Variants in PEX10 observed in about 807,000 individuals in gnomAD.
PEX10 encodes peroxisomal biogenesis factor 10.
PEX10 carries 32 observed loss-of-function variants against 38.0 expected under a neutral mutation model. The ratio of observed to expected loss-of-function variants is 0.84; its 90% CI spans 0.63 to 1.13. The LOEUF is 1.13. Among genes scored for constraint, PEX10 ranks in the 50% most tolerant of loss-of-function variants. The probability of loss-of-function intolerance (pLI) is 0.00; values close to 1 mark genes in which losing one functional copy is unlikely to be tolerated. For synonymous variants in PEX10, 206 were observed against 207.3 expected (o/e 0.99, Z 0.05); for missense variants, 483 against 457.7 (o/e 1.06, Z -0.51).
In PEX10 at chr1:2,410,098, AGGGCTGGCCACTGAGAAATGG is replaced by A. The variant is rs1643138980; in HGVS notation, c.193+252_193+272del. 1 of 454,950 alleles carries A rather than the reference AGGGCTGGCCACTGAGAAATGG, an allele frequency of 2.2e-6. No homozygotes were observed. Among genetic ancestry groups the A allele is most frequent in the South Asian group, 2.0e-5 (1 of 49,038 alleles). The allele number at this position is 454,950 out of a possible 1,614,324, so 28.2% of individuals were successfully genotyped here. ...AGCACTGTGACTCACTGGTGCCACC[AGGGCTGGCCACTGAGAAATGG>A]GTCTCAGTGGCACCCGGGGTAAAGT... On this transcript the variant is annotated intron_variant, in intron 2 of 5. Coordinates refer to ENST00000447513, the MANE Select transcript of PEX10 (RefSeq NM_002617.4). This position sits in a 1 kb window ranked among gnomAD's most constrained non-coding sequence, Gnocchi z 5.1.
At chr1:2,413,009 C>T (rs1000245344), upstream of PEX10, among the ~76,000 whole-genome samples, 1 of 152,242 alleles carries the variant, frequency 6.6e-6, no homozygotes, top group Admixed American at 6.5e-5. Flanking sequence ...CTCCCAGCGC[C>T]GGCCGCGGCG....
chr1:2,406,196 C>T (rs1004381172), intron 5 of PEX10, among the ~76,000 whole-genome samples: 17 of 152,120 alleles, frequency 1.1e-4, no homozygotes, highest in African/African-American at 3.1e-4. Flanking sequence ...GTGAGGACCC[C>T]GGGAGGAAGG....
In PEX10 at chr1:2,412,406, G is replaced by T; in HGVS notation, c.97C>A (p.Leu33Met). 1.4e-6 allele frequency: 2 copies of T among 1,405,996 alleles called. No individual in the cohort carries two copies. The highest frequency in any genetic ancestry group is 1.8e-6 in the Non-Finnish European group (2 of 1,084,118). The allele number at this position is 1,405,996 out of a possible 1,614,324, so 87.1% of individuals were successfully genotyped here. The change falls in exon 1 of 6, where the codon CTG (leucine) becomes ATG (methionine). Residue 33 changes from leucine to methionine, a missense_variant. By Grantham distance (15) the Leu-to-Met change is conservative. Transcript: ENST00000447513. ...CGGCCCTCACCCGCCAGGCTGTGCAGGGCGCCGCCCGCCGCGCTCCGCAGC... is the reference window on the plus strand; with the variant it reads ...CGGCCCTCACCCGCCAGGCTGTGCATGGCGCCGCCCGCCGCGCTCCGCAGC... The part of the protein sequence containing the change: ...GGLRSAAGGA[L>M]HSLAGARKWL...
At position 2,404,288 on chromosome 1, in the gene PEX10, CT is replaced by C. The variant is rs1642924662; in HGVS notation, c.*1477del. Reference sequence around the variant, plus strand: ...GCTCCTCTAAGAGGCCACGTTCAAGCTTGTGTGTCCCTGACCCAAGATAGCC... The same window carrying C: ...GCTCCTCTAAGAGGCCACGTTCAAGCTGTGTGTCCCTGACCCAAGATAGCC... On this transcript the variant is annotated 3_prime_UTR_variant, in exon 6 of 6. Transcript: ENST00000447513. 1 of 152,270 alleles carries C rather than the reference CT, an allele frequency of 6.6e-6. No individual in the cohort carries two copies. Among genetic ancestry groups the C allele is most frequent in the African/African-American group, 2.4e-5 (1 of 41,466 alleles). 9.4% of individuals were successfully genotyped at this position (152,270 alleles called of 1,614,324 possible). A position where few individuals can be genotyped will look rare whatever the true frequency, so the allele number is the denominator to read the frequency against.
At chr1:2,405,944 A>C in intron 5 of PEX10, 110 bp from the exon 6 acceptor site, 1 of 861,860 alleles carries the variant, frequency 1.2e-6, no homozygotes, top group East Asian at 2.7e-5. Context: ...CACAACATAA[A>C]TGTTGTATTT....
At position 2,406,698 on chromosome 1, in the gene PEX10, CAT is replaced by C; in HGVS notation, c.776+20_776+21del. The C allele has an allele frequency of 6.2e-7, 1 of 1,609,648 alleles. No individual in the cohort carries two copies. Among genetic ancestry groups the C allele is most frequent in the Non-Finnish European group, 8.5e-7 (1 of 1,178,552 alleles). ...AAGTGCCCAGGACACCCCCAGCCCC[CAT>C]GTGTGGCCCCCGCACGCACCTGCGG... On this transcript the variant is annotated intron_variant, in intron 4 of 5. Transcript: ENST00000447513.
chr1:2,412,496 G>A lies in PEX10; in HGVS notation c.7C>T (p.Pro3Ser). Reference sequence around the variant, plus strand: ...ACCTCCGGGGGGCTGGCGGCGGCCGGGGCCATGGCCGCGGGTTCGGGTGGT... The same window carrying A: ...ACCTCCGGGGGGCTGGCGGCGGCCGAGGCCATGGCCGCGGGTTCGGGTGGT... Reference protein sequence around the residue: MAPAAASPPEVIR... With the variant: MASAAASPPEVIR... The change falls in exon 1 of 6, where the codon CCG (proline) becomes TCG (serine). Residue 3 changes from proline to serine, a missense_variant. Transcript: ENST00000447513. The A allele has an allele frequency of 2.2e-6, 3 of 1,367,480 alleles. No individual in the cohort carries two copies. Among genetic ancestry groups the A allele is most frequent in the Non-Finnish European group, 1.9e-6 (2 of 1,062,484 alleles). 84.7% of individuals were successfully genotyped at this position (1,367,480 alleles called of 1,614,324 possible).
rs1642989284 is a variant in PEX10 at position 2,406,031 on chromosome 1, G to T, written c.913-197C>A. On this transcript the variant is annotated intron_variant, in intron 5 of 5. Transcript: ENST00000447513. ...AGTGGGGGCTGGGGCGGGGCTGGGG[G>T]CGTAGGGCTCAGGGTGTGGGGCTCG... 4.6e-5 allele frequency among the ~76,000 whole-genome samples: 7 copies of T among 152,362 alleles called. No individual in the cohort carries two copies. The South Asian group carries it at 1.4e-3, about 32-fold the overall frequency.
upstream of PEX10, among the ~76,000 whole-genome samples, chr1:2,413,204 C>G (rs1376713334): frequency 2.0e-5 from 3 of 152,344 alleles, no homozygotes; most frequent in African/African-American, 7.2e-5. Flanking sequence ...TGGACGCCCC[C>G]CTGGTGCCCA....
rs759617739 is a variant in PEX10 at position 2,405,206 on chromosome 1, C to T, written c.*560G>A. On this transcript the variant is annotated 3_prime_UTR_variant, in exon 6 of 6. Coordinates refer to ENST00000447513, the MANE Select transcript of PEX10 (RefSeq NM_002617.4). The stretch of plus-strand genomic sequence containing the variant: ...GGCCTTGGTTGGTTTCTCTCTGCCC[C>T]GTGTGGTCATCAAGTCCTGGGGGAT... 43 of 205,808 alleles carry T rather than the reference C, an allele frequency of 2.1e-4. 1 individual carries two copies. The highest frequency in any genetic ancestry group is 3.6e-4 in the Non-Finnish European group (36 of 100,042). 12.7% of individuals were successfully genotyped at this position (205,808 alleles called of 1,614,324 possible).
At position 2,412,277 on chromosome 1, in the gene PEX10, G is replaced by C. The variant is rs1557914101; in HGVS notation, c.112+114C>G. ...AGGCGAAGGAGACTGCCGGGTCCCA[G>C]GTTGTGGGACGGGCCCAGGCGACCG... On this transcript the variant is annotated intron_variant, in intron 1 of 5. Coordinates refer to ENST00000447513, the MANE Select transcript of PEX10 (RefSeq NM_002617.4). The C allele has an allele frequency of 2.4e-5, 30 of 1,244,916 alleles. 1 individual carries two copies. The highest frequency in any genetic ancestry group is 2.9e-5 in the Non-Finnish European group (29 of 992,050). The allele number at this position is 1,244,916 out of a possible 1,614,324, so 77.1% of individuals were successfully genotyped here. A position where few individuals can be genotyped will look rare whatever the true frequency, so the allele number is the denominator to read the frequency against.
chr1:2,410,307 C>A lies in PEX10; in HGVS notation c.193+64G>T. On this transcript the variant is annotated intron_variant, in intron 2 of 5. Transcript: ENST00000447513. The surrounding 1 kb of genome is among the most constrained non-coding windows in gnomAD (Gnocchi z 5.1). ...CTCACACTGCCTGGCAGCCCCCTGG[C>A]CACCGTCCCCAGACTTGGTGTGTGT... The A allele has an allele frequency of 7.0e-7, 1 of 1,427,858 alleles. No individual in the cohort carries two copies. The highest frequency in any genetic ancestry group is 9.9e-7 in the Non-Finnish European group (1 of 1,011,422). 88.4% of individuals were successfully genotyped at this position (1,427,858 alleles called of 1,614,324 possible). A position where few individuals can be genotyped will look rare whatever the true frequency, so the allele number is the denominator to read the frequency against.
Position 2,405,113 on chromosome 1 carries a change from TC to T in PEX10, c.*652del, listed in dbSNP as rs1642954893. 1 of 160,726 alleles carries T rather than the reference TC, an allele frequency of 6.2e-6. No homozygotes were observed. The highest frequency in any genetic ancestry group is 1.4e-5 in the Non-Finnish European group (1 of 72,408). The allele number at this position is 160,726 out of a possible 1,614,324, so 10.0% of individuals were successfully genotyped here. A position where few individuals can be genotyped will look rare whatever the true frequency, so the allele number is the denominator to read the frequency against. ...CAGGCTGAGATGCAGATTTCTGTTT[TC>T]TAAAACTGGAAGCGACCTTGACGTG... On this transcript the variant is annotated 3_prime_UTR_variant, in exon 6 of 6. Coordinates refer to ENST00000447513, the MANE Select transcript of PEX10 (RefSeq NM_002617.4).
Position 2,404,673 on chromosome 1 carries a change from T to C in PEX10, c.*1093A>G, listed in dbSNP as rs140666446. On this transcript the variant is annotated 3_prime_UTR_variant, in exon 6 of 6. Coordinates refer to ENST00000447513, the MANE Select transcript of PEX10 (RefSeq NM_002617.4). ...CCTAAGTAAGTCAAACAGCAAGACA[T>C]GGTTTGCGCGGGTCTTTGCCGGAAG... is the stretch of plus-strand genomic sequence containing the variant. 3 of 152,336 alleles carry C rather than the reference T, an allele frequency of 2.0e-5. No individual in the cohort carries two copies. Among genetic ancestry groups the C allele is most frequent in the South Asian group, 2.1e-4 (1 of 4,836 alleles). The allele number at this position is 152,336 out of a possible 1,614,324, so 9.4% of individuals were successfully genotyped here.
chr1:2,405,734 TC>T lies in PEX10; in HGVS notation c.*31del. The T allele has an allele frequency of 6.4e-7, 1 of 1,567,532 alleles. No individual in the cohort carries two copies. Among genetic ancestry groups the T allele is most frequent in the Non-Finnish European group, 8.7e-7 (1 of 1,151,526 alleles). ...CTTGGCGTTCAGACTCCCGTAGAGG[TC>T]ATCTGTGTCCAGGCCCACCCGGGCG... On this transcript the variant is annotated 3_prime_UTR_variant, in exon 6 of 6. Transcript: ENST00000447513.
At chr1:2,408,361 G>T in intron 3 of PEX10, 91 bp downstream of exon 3, 2 of 1,373,702 alleles carry the variant, frequency 1.5e-6, no homozygotes, top group Non-Finnish European at 1.0e-6. Flanking sequence ...TGGCTGAGAG[G>T]CCTGGAGGGC....
In PEX10 at chr1:2,411,230, C is replaced by CTTT. The variant is rs140273455; in HGVS notation, c.113-782_113-780dup. 8.7e-4 allele frequency among the ~76,000 whole-genome samples: 99 copies of CTTT among 114,020 alleles called. 1 individual carries two copies. The highest frequency in any genetic ancestry group is 1.3e-3 in the African/African-American group (35 of 26,966). The allele number at this position is 114,020 out of a possible 152,430, so 74.8% of individuals were successfully genotyped here. On this transcript the variant is annotated intron_variant, in intron 1 of 5. Transcript: ENST00000447513. ...CCCCCCAAAGACTTGATGGCTTTGC[C>CTTT]TTTTTTTTTTTTTTTTTTTTTTTGA...
At chr1:2,408,326 A>G (rs1385966417) in intron 3 of PEX10, 126 bp downstream of exon 3, 1 of 1,059,164 alleles carries the variant, frequency 9.4e-7, no homozygotes, top group African/African-American at 1.6e-5. Context: ...CTGCCTTGAC[A>G]CAGATGCTGG....
In PEX10 at chr1:2,409,496, C is replaced by T. The variant is rs910809116; in HGVS notation, c.194-638G>A. ...CTTCCCTGTGTGTTCCACCCCCTCG[C>T]TGCCGCCCCTGCTCTGTACCACCAC... On this transcript the variant is annotated intron_variant, in intron 2 of 5. Transcript: ENST00000447513. This position sits in a 1 kb window ranked among gnomAD's most constrained non-coding sequence, Gnocchi z 6.2. 2.0e-5 allele frequency among the ~76,000 whole-genome samples: 3 copies of T among 152,180 alleles called. No individual in the cohort carries two copies. Among genetic ancestry groups the T allele is most frequent in the Non-Finnish European group, 4.4e-5 (3 of 68,028 alleles).
Sources: allele counts gnomAD v4.1 joint callset (sites outside exome capture counted in the v4.1 genomes callset), GRCh38; gene constraint gnomAD v4.1.1; non-coding constraint Gnocchi (gnomAD v3.1); transcripts MANE v1.5; gene names NCBI Gene and HGNC (gene_info 2026-07-23, HGNC 2026-07-21).